The following SGCZ variants were observed in gnomAD, a reference collection of about 807,000 sequenced individuals.
The protein encoded by SGCZ is sarcoglycan zeta.
Under a neutral mutation model 41.3 loss-of-function variants are expected in SGCZ, and 40 were observed. That is an observed-to-expected ratio of 0.97 (90% CI 0.75 to 1.26). SGCZ has a LOEUF of 1.26. Ranked by LOEUF, SGCZ falls within the 50% of genes most tolerant of loss-of-function variation. SGCZ has a pLI of 0.00. For synonymous variants in SGCZ, 206 were observed against 137.5 expected (o/e 1.50, Z -3.49); for missense variants, 552 against 369.8 (o/e 1.49, Z -4.04).
chr8:14,369,609 G>A (rs888159063), intron 2 of SGCZ, among the ~76,000 whole-genome samples: 1 of 151,946 alleles, frequency 6.6e-6, no homozygotes, highest in African/African-American at 2.4e-5. Flanking sequence ...TTGGGAATAT[G>A]AAAATACCCT....
intron 2 of SGCZ, among the ~76,000 whole-genome samples, chr8:14,438,501 T>C (rs544382171): frequency 6.6e-6 from 1 of 152,114 alleles, no homozygotes; most frequent in South Asian, 2.1e-4. Context: ...GCTCTCTCTA[T>C]TCAATTCTAT....
intron 1 of SGCZ, among the ~76,000 whole-genome samples, chr8:15,120,801 C>A (rs1807450196): frequency 6.6e-6 from 1 of 152,228 alleles, no homozygotes; most frequent in Admixed American, 6.5e-5. Flanking sequence ...ATCTCTCAAA[C>A]TTTTACAACA....
chr8:14,710,192 C>T (rs1563217586), intron 1 of SGCZ, among the ~76,000 whole-genome samples: 1 of 145,636 alleles, frequency 6.9e-6, no homozygotes, highest in South Asian at 2.2e-4. Flanking sequence ...TGTGAAACCC[C>T]GTCTCTACTA....
At chr8:14,296,543 A>G (rs1801017366) in intron 3 of SGCZ, among the ~76,000 whole-genome samples, 1 of 152,194 alleles carries the variant, frequency 6.6e-6, no homozygotes, top group Non-Finnish European at 1.5e-5. Flanking sequence ...TTTAATCAAC[A>G]TAAGAAACAA....
chr8:14,661,074 T>A (rs929976409), intron 1 of SGCZ, among the ~76,000 whole-genome samples: 4 of 152,160 alleles, frequency 2.6e-5, no homozygotes, highest in African/African-American at 7.2e-5. Context: ...TTTGCTAGAT[T>A]GCCTGTTCCT....
intron 2 of SGCZ, among the ~76,000 whole-genome samples, chr8:14,512,363 T>C (rs937067358): frequency 1.3e-5 from 2 of 152,196 alleles, no homozygotes; most frequent in Non-Finnish European, 2.9e-5. Flanking sequence ...CTTCCTTGCC[T>C]ATCAGTATGC....
chr8:14,435,431 T>C (rs1223476964), intron 2 of SGCZ, among the ~76,000 whole-genome samples: 2 of 152,180 alleles, frequency 1.3e-5, no homozygotes, highest in African/African-American at 4.8e-5. Context: ...TTTAATTGTT[T>C]ACACACATGG....
intron 2 of SGCZ, among the ~76,000 whole-genome samples, chr8:14,491,652 G>C (rs1801846184): frequency 6.6e-6 from 1 of 152,128 alleles, no homozygotes; most frequent in Non-Finnish European, 1.5e-5. Context: ...ACATTTTTAT[G>C]TTACTGGGAG....
chr8:14,255,645 C>A (rs1408879145), intron 3 of SGCZ, among the ~76,000 whole-genome samples: 10 of 151,850 alleles, frequency 6.6e-5, no homozygotes. Context: ...CAAAAATATT[C>A]TTTTAATGAA....
intron 3 of SGCZ, among the ~76,000 whole-genome samples, chr8:14,251,125 G>A (rs983490429): frequency 4.6e-5 from 7 of 152,238 alleles, no homozygotes; most frequent in African/African-American, 1.7e-4. Flanking sequence ...CTACTCGGGA[G>A]GCCAAGGCAA....
At chr8:14,778,572 G>A (rs1392604640) in intron 1 of SGCZ, among the ~76,000 whole-genome samples, 1 of 152,058 alleles carries the variant, frequency 6.6e-6, no homozygotes, top group African/African-American at 2.4e-5. Context: ...ATTTTAAAAT[G>A]TATGTGGATG....
At chr8:14,564,529 C>A (rs1340960845) in intron 1 of SGCZ, among the ~76,000 whole-genome samples, 8 of 152,068 alleles carry the variant, frequency 5.3e-5, no homozygotes, top group Non-Finnish European at 1.2e-4. Flanking sequence ...TATATAAAGG[C>A]AATCTGGGAG....
chr8:14,301,708 G>C (rs979993941), intron 3 of SGCZ, among the ~76,000 whole-genome samples: 2 of 152,060 alleles, frequency 1.3e-5, no homozygotes, highest in Admixed American at 6.6e-5. Flanking sequence ...GTAGAAAAAG[G>C]GGAAAGACAG....
At chr8:14,430,110 C>A (rs1043375930) in intron 2 of SGCZ, among the ~76,000 whole-genome samples, 1 of 152,054 alleles carries the variant, frequency 6.6e-6, no homozygotes, top group Non-Finnish European at 1.5e-5. Context: ...CAGAATTCTG[C>A]AAGACATTCA....
intron 1 of SGCZ, among the ~76,000 whole-genome samples, chr8:14,896,463 T>TTATTTATTTATTTATC (rs1362019134): frequency 4.6e-5 from 7 of 151,940 alleles, no homozygotes; most frequent in Non-Finnish European, 8.8e-5. Context: ...ATTTATTTAT[T>TTATTTATTTATTTATC]TTACTATTAT....
intron 3 of SGCZ, among the ~76,000 whole-genome samples, chr8:14,265,684 A>G (rs933209548): frequency 6.6e-6 from 1 of 152,026 alleles, no homozygotes; most frequent in African/African-American, 2.4e-5. Context: ...CTAAACAGTA[A>G]AAAGGTTAAG....
chr8:14,087,367 G>T lies in SGCZ; in HGVS notation c.*3076C>A, dbSNP rs866150444. Among the ~76,000 whole-genome samples the T allele has an allele frequency of 2.6e-5, 4 of 151,324 alleles. No individual in the cohort carries two copies. Among genetic ancestry groups the T allele is most frequent in the Admixed American group, 6.6e-5 (1 of 15,134 alleles). ...AAGAAAAGAATAATGTGTCCTCTTTGCATCTTTCCTTTTGTGATCCCCCAA... is the reference window on the plus strand; with the variant it reads ...AAGAAAAGAATAATGTGTCCTCTTTTCATCTTTCCTTTTGTGATCCCCCAA... On this transcript the variant is annotated 3_prime_UTR_variant, in exon 8 of 8. Coordinates refer to ENST00000382080, the MANE Select transcript of SGCZ (RefSeq NM_139167.4).
chr8:14,934,737 G>C (rs73666946), intron 1 of SGCZ, among the ~76,000 whole-genome samples: 5,127 of 151,322 alleles, frequency 0.034, 333 homozygotes, highest in African/African-American at 0.12. Context: ...TTAAATTCAA[G>C]AAGCCTAAAT....
intron 2 of SGCZ, among the ~76,000 whole-genome samples, chr8:14,447,266 C>A (rs555267381): frequency 6.6e-6 from 1 of 152,076 alleles, no homozygotes; most frequent in Non-Finnish European, 1.5e-5. Context: ...AAACCAAGAT[C>A]TTTTCTTGCT....
Sources: allele counts gnomAD v4.1 joint callset (sites outside exome capture counted in the v4.1 genomes callset), GRCh38; gene constraint gnomAD v4.1.1; transcripts MANE v1.5; gene names NCBI Gene and HGNC (gene_info 2026-07-23, HGNC 2026-07-21).